The following BACH2 variants were observed in gnomAD, a reference collection of about 807,000 sequenced individuals.
BACH2 encodes BACH transcriptional regulator 2, also known as transcription regulator protein BACH2.
A neutral mutation model predicts 61.8 loss-of-function variants in BACH2; 5 were observed. That is an observed-to-expected ratio of 0.08 (90% CI 0.04 to 0.17). The LOEUF is 0.17. Among genes scored for constraint, BACH2 ranks in the 10% least tolerant of loss-of-function variants. The pLI, the probability that BACH2 is intolerant of heterozygous loss-of-function variation, is 1.00. For missense variants in BACH2, 824 were observed against 1,091.1 expected (o/e 0.76, Z 3.45); for synonymous variants, 446 against 440.1 (o/e 1.01, Z -0.17).
chr6:90,201,427 G>T (rs1768953082), intron 4 of BACH2, among the ~76,000 whole-genome samples: 1 of 152,124 alleles, frequency 6.6e-6, no homozygotes. Flanking sequence ...TTTGATTGCT[G>T]TTGAGGTTGA....
chr6:90,029,645 A>T (rs1033282016), intron 5 of BACH2, among the ~76,000 whole-genome samples: 1 of 152,166 alleles, frequency 6.6e-6, no homozygotes, highest in Non-Finnish European at 1.5e-5. Context: ...AAAGTGCTAC[A>T]CTCAATACAT....
chr6:89,932,349 G>A lies in BACH2; in HGVS notation c.*59C>T. The A allele has an allele frequency of 6.4e-7, 1 of 1,572,598 alleles. No homozygotes were observed. Among genetic ancestry groups the A allele is most frequent in the Non-Finnish European group, 8.7e-7 (1 of 1,155,118 alleles). On this transcript the variant is annotated 3_prime_UTR_variant, in exon 9 of 9. Coordinates refer to ENST00000257749, the MANE Select transcript of BACH2 (RefSeq NM_021813.4). ...GGACAGCAGATGAACAGTGCCACAGGCTGACTGAAGAACGCCTGGATGGGA... is the reference window on the plus strand; with the variant it reads ...GGACAGCAGATGAACAGTGCCACAGACTGACTGAAGAACGCCTGGATGGGA...
At chr6:90,051,766 C>A (rs1315857530) in intron 5 of BACH2, among the ~76,000 whole-genome samples, 2 of 151,720 alleles carry the variant, frequency 1.3e-5, no homozygotes, top group African/African-American at 4.8e-5. Flanking sequence ...AGTAACAAAC[C>A]TGCACGTTCA....
intron 5 of BACH2, among the ~76,000 whole-genome samples, chr6:90,060,341 T>A (rs949722877): frequency 2.0e-5 from 3 of 152,216 alleles, no homozygotes; most frequent in African/African-American, 7.2e-5. Context: ...TCCTTATAGT[T>A]CCATCTCTTT....
At chr6:90,185,801 TC>T (rs986910322) in intron 4 of BACH2, among the ~76,000 whole-genome samples, 17 of 152,324 alleles carry the variant, frequency 1.1e-4, no homozygotes, top group African/African-American at 3.8e-4. Flanking sequence ...CACTGTAAAC[TC>T]CCAGAGAGCA....
intron 1 of BACH2, among the ~76,000 whole-genome samples, chr6:90,274,473 C>A (rs563626814): frequency 1.3e-5 from 2 of 152,136 alleles, no homozygotes; most frequent in African/African-American, 4.8e-5. Flanking sequence ...AAAGTGCCAA[C>A]AAGAAAATCC....
intron 2 of BACH2, among the ~76,000 whole-genome samples, chr6:90,267,647 T>A (rs2127879274): frequency 6.6e-6 from 1 of 152,278 alleles, no homozygotes; most frequent in African/African-American, 2.4e-5. Flanking sequence ...GTATATCAGC[T>A]GGGGAATAAT....
At position 90,163,041 on chromosome 6, in the gene BACH2, C is replaced by A. The variant is rs527692931; in HGVS notation, c.-162+43528G>T. Among the ~76,000 whole-genome samples the A allele has an allele frequency of 4.6e-5, 7 of 152,250 alleles. No homozygotes were observed. In the South Asian group the frequency reaches 1.5e-3, roughly 32 times the overall value. ...AAAAGCTTATTTTTCCTAAGTGTAC[C>A]CATCTCAGATAAAGGCAGAAATCAC... is the stretch of plus-strand genomic sequence containing the variant. On this transcript the variant is annotated intron_variant, in intron 4 of 8. Transcript: ENST00000257749.
chr6:89,963,235 A>G (rs1774850094), intron 6 of BACH2, among the ~76,000 whole-genome samples: 2 of 152,182 alleles, frequency 1.3e-5, no homozygotes, highest in Admixed American at 1.3e-4. Context: ...CAGAGTAACA[A>G]GTGTCAGCGA....
chr6:89,987,384 G>A (rs894761431), intron 6 of BACH2, among the ~76,000 whole-genome samples: 67 of 152,044 alleles, frequency 4.4e-4, no homozygotes, highest in African/African-American at 1.6e-3. Flanking sequence ...GGAGGCTGTC[G>A]AACTTAGTCC....
intron 6 of BACH2, among the ~76,000 whole-genome samples, chr6:89,990,857 T>G (rs1348299026): frequency 6.6e-6 from 1 of 152,250 alleles, no homozygotes; most frequent in African/African-American, 2.4e-5. Flanking sequence ...GAGTTTTGCC[T>G]GTTTTGTATC....
At chr6:90,294,557 G>C (rs1465091588) in intron 1 of BACH2, among the ~76,000 whole-genome samples, 1 of 152,210 alleles carries the variant, frequency 6.6e-6, no homozygotes, top group Non-Finnish European at 1.5e-5. Flanking sequence ...AGACCTTTCA[G>C]TGGAGCAGTT....
At chr6:89,934,418 G>C (rs1236687832) in intron 8 of BACH2, among the ~76,000 whole-genome samples, 1 of 152,168 alleles carries the variant, frequency 6.6e-6, no homozygotes, top group East Asian at 1.9e-4. Flanking sequence ...CCAGCACTTT[G>C]CGGCTGAGAT....
At chr6:89,990,632 C>T (rs1055049560) in intron 6 of BACH2, among the ~76,000 whole-genome samples, 2 of 151,990 alleles carry the variant, frequency 1.3e-5, no homozygotes, top group African/African-American at 2.4e-5. Flanking sequence ...CCAATACCCA[C>T]CCCCACCGAC....
chr6:90,071,692 C>T (rs1430637847), intron 5 of BACH2, among the ~76,000 whole-genome samples: 2 of 152,162 alleles, frequency 1.3e-5, no homozygotes, highest in African/African-American at 2.4e-5. Flanking sequence ...CGCCGATCCC[C>T]GACGCAGTCG....
intron 3 of BACH2, among the ~76,000 whole-genome samples, chr6:90,223,855 CCTGATACTCCTAAATACAGATAACACTAT>C (rs1260858463): frequency 1.3e-5 from 2 of 152,142 alleles, no homozygotes; most frequent in African/African-American, 4.8e-5. Flanking sequence ...TTAAGAGAAT[CCTGATACTCCTAAATACAGATAACACTAT>C]CTGAATCTCT....
chr6:90,028,667 T>C (rs1037573667), intron 5 of BACH2, among the ~76,000 whole-genome samples: 1 of 152,080 alleles, frequency 6.6e-6, no homozygotes, highest in African/African-American at 2.4e-5. Context: ...AACACAAACG[T>C]GGGAAACAGA....
intron 3 of BACH2, among the ~76,000 whole-genome samples, chr6:90,216,761 G>A (rs1308547799): frequency 6.6e-6 from 1 of 152,258 alleles, no homozygotes; most frequent in Non-Finnish European, 1.5e-5. Flanking sequence ...AACCAGAGTG[G>A]TTTTGTCTCC....
At chr6:89,981,817 A>C (rs1775975189) in intron 6 of BACH2, among the ~76,000 whole-genome samples, 1 of 152,136 alleles carries the variant, frequency 6.6e-6, no homozygotes, top group Non-Finnish European at 1.5e-5. Context: ...GTGTGATTTG[A>C]TACACCTAAA....
Sources: allele counts gnomAD v4.1 joint callset (sites outside exome capture counted in the v4.1 genomes callset), GRCh38; gene constraint gnomAD v4.1.1; transcripts MANE v1.5; gene names NCBI Gene and HGNC (gene_info 2026-07-23, HGNC 2026-07-21).